Variants in SENP1 observed in about 807,000 individuals in gnomAD.
SENP1 encodes sentrin-specific protease 1.
Under a neutral mutation model 93.0 loss-of-function variants are expected in SENP1, and 21 were observed. The ratio of observed to expected loss-of-function variants is 0.23; its 90% CI spans 0.16 to 0.33. The LOEUF (loss-of-function observed/expected upper bound fraction) is 0.33, where lower values mean the gene tolerates loss of function less well. SENP1 is among the 10% of genes least tolerant of loss of function. The pLI is 1.00. For missense variants in SENP1, 591 were observed against 758.7 expected, an observed-to-expected ratio of 0.78 and a Z score of 2.60; for synonymous variants, 256 against 259.6, an observed-to-expected ratio of 0.99 and a Z score of 0.13.
chr12:48,099,275 C>A (rs752141377), intron 2 of SENP1: 2 of 152,142 alleles, frequency 1.3e-5, no homozygotes, highest in Non-Finnish European at 2.9e-5. Context: ...CTGCAGTGAG[C>A]CATGACAGAG....
Position 48,074,749 on chromosome 12 carries a change from C to T in SENP1, c.597G>A (p.Gln199=). 6.2e-7 allele frequency: 1 copy of T among 1,613,048 alleles called. No individual in the cohort carries two copies. The highest frequency in any genetic ancestry group is 8.5e-7 in the Non-Finnish European group (1 of 1,179,600). Residue 199 remains glutamine (Q), a synonymous_variant, in exon 7 of 18, where the codon CAG becomes CAA. Coordinates refer to ENST00000549518, the MANE Select transcript of SENP1 (RefSeq NM_001267594.2). ...TAGTAAACTGTTTCCCTGTGACCAT[C>T]TGTAGCAGCTGTCTGTAAATCTCTC... ...EEREIYRQLL[Q]MVTGKQFTIA... is the part of the protein sequence containing the mutation.
chr12:48,083,062 GCCCGT>G (rs947899550), intron 6 of SENP1, among the ~76,000 whole-genome samples: 113 of 152,034 alleles, frequency 7.4e-4, no homozygotes, highest in African/African-American at 2.7e-3. Context: ...GAGCCACCAA[GCCCGT>G]CTAATTTTTA....
chr12:48,065,717 ACT>A lies in SENP1; in HGVS notation c.1035-39_1035-38del, dbSNP rs980238199. The A allele has an allele frequency of 4.6e-6, 6 of 1,292,678 alleles. No individual in the cohort carries two copies. The African/African-American group carries it at 7.4e-5, about 16-fold the overall frequency. The allele number at this position is 1,292,678 out of a possible 1,614,324, so 80.1% of individuals were successfully genotyped here. On this transcript the variant is annotated intron_variant, in intron 10 of 17. Transcript: ENST00000549518. ...AAAGGAACGTGACCAAATGTAGACC[ACT>A]CTCATTATGAAACATATTGTTGATG... is the stretch of plus-strand genomic sequence containing the variant.
At chr12:48,049,374 G>A (rs1269271554) in intron 13 of SENP1, among the ~76,000 whole-genome samples, 1 of 152,188 alleles carries the variant, frequency 6.6e-6, no homozygotes, top group African/African-American at 2.4e-5. Context: ...GTACAAATGG[G>A]CAGACGCTGG....
In SENP1 at chr12:48,044,841, TGTG is replaced by T. The variant is rs1941250772; in HGVS notation, c.*478_*480del. 1 of 153,186 alleles carries T rather than the reference TGTG, an allele frequency of 6.5e-6. No homozygotes were observed. The highest frequency in any genetic ancestry group is 1.5e-5 in the Non-Finnish European group (1 of 68,734). The allele number at this position is 153,186 out of a possible 1,614,324, so 9.5% of individuals were successfully genotyped here. On this transcript the variant is annotated 3_prime_UTR_variant, in exon 18 of 18. Coordinates refer to ENST00000549518, the MANE Select transcript of SENP1 (RefSeq NM_001267594.2). ...ATTCCTGACCATACATCGTGAAAAT[TGTG>T]TGTGTGTGTGTGTTTGTGTGTGTGG...
intron 13 of SENP1, among the ~76,000 whole-genome samples, chr12:48,054,255 GTTCTATCAGATTATGC>G (rs1942046545): frequency 6.6e-6 from 1 of 152,092 alleles, no homozygotes; most frequent in Admixed American, 6.6e-5. Context: ...TCTCCTTTCA[GTTCTATCAGATTATGC>G]TTCACGTATT....
chr12:48,083,933 G>A (rs927132734), intron 5 of SENP1, among the ~76,000 whole-genome samples, 171 bp from the exon 6 acceptor site: 1 of 152,194 alleles, frequency 6.6e-6, no homozygotes, highest in Admixed American at 6.5e-5. Flanking sequence ...ATATAAGGAT[G>A]CTGCATCAGG....
intron 9 of SENP1, among the ~76,000 whole-genome samples, chr12:48,070,263 C>T (rs1006195840): frequency 1.3e-5 from 2 of 152,126 alleles, no homozygotes; most frequent in African/African-American, 4.8e-5. Flanking sequence ...ATGAAAGAGT[C>T]CCATATTTCC....
intron 13 of SENP1, chr12:48,055,082 C>A: frequency 8.9e-6 from 2 of 224,106 alleles, no homozygotes; most frequent in South Asian, 1.4e-4. Flanking sequence ...TTCAACCAGT[C>A]GCCGTGGTAT....
intron 2 of SENP1, 132 bp downstream of exon 2, chr12:48,101,337 G>A: frequency 1.4e-6 from 1 of 710,798 alleles, no homozygotes; most frequent in Non-Finnish European, 2.3e-6. Context: ...ACATAATTAG[G>A]ATTAAAATTT....
intron 9 of SENP1, among the ~76,000 whole-genome samples, chr12:48,069,970 C>A (rs1321109449): frequency 6.6e-6 from 1 of 152,184 alleles, no homozygotes; most frequent in African/African-American, 2.4e-5. Flanking sequence ...CTCATCCTAG[C>A]AATTGAATTC....
At chr12:48,094,446 G>A (rs923965145) in intron 4 of SENP1, among the ~76,000 whole-genome samples, 7 of 152,110 alleles carry the variant, frequency 4.6e-5, no homozygotes, top group African/African-American at 1.4e-4. Flanking sequence ...CTGGGAGGCC[G>A]AGGCAGGTGA....
chr12:48,058,978 C>T (rs558198696), intron 13 of SENP1, among the ~76,000 whole-genome samples: 13 of 152,252 alleles, frequency 8.5e-5, no homozygotes, highest in South Asian at 4.2e-4. Flanking sequence ...GCATCGTTTC[C>T]GACAGTTATT....
At chr12:48,083,537 C>G in intron 6 of SENP1, 54 bp downstream of exon 6, 1 of 1,439,768 alleles carries the variant, frequency 6.9e-7, no homozygotes, top group Non-Finnish European at 9.7e-7. Flanking sequence ...GCAAATGGCT[C>G]AATGTAGGGA....
At chr12:48,105,490 G>A (rs375581224) in intron 1 of SENP1, 122 of 518,974 alleles carry the variant, frequency 2.4e-4, no homozygotes, top group Non-Finnish European at 4.2e-4. Context: ...TCTTTCTGAT[G>A]GTGGCACTAG....
rs577634632 is a variant in SENP1, at chr12:48,085,292, C to G, written c.381-1530G>C. On this transcript the variant is annotated intron_variant, in intron 5 of 17. Coordinates refer to ENST00000549518, the MANE Select transcript of SENP1 (RefSeq NM_001267594.2). ...ACATCGCAGAGATGGTGCAGCATGC[C>G]CTGGACACCCACCAGCACTCTATCC... is the stretch of plus-strand genomic sequence containing the variant. 1.4e-3 allele frequency: 2,095 copies of G among 1,525,740 alleles called. 3 individuals are homozygous for G. Among genetic ancestry groups the G allele is most frequent in the Non-Finnish European group, 1.7e-3 (1,914 of 1,101,384 alleles). 94.5% of individuals were successfully genotyped at this position (1,525,740 alleles called of 1,614,324 possible).
chr12:48,080,629 A>T (rs1944432197), intron 6 of SENP1: 1 of 152,260 alleles, frequency 6.6e-6, no homozygotes, highest in African/African-American at 2.4e-5. Context: ...AGTTCCCATC[A>T]GTAAATTTAG....
intron 13 of SENP1, chr12:48,054,900 A>G (rs1202533009): frequency 6.3e-6 from 1 of 158,030 alleles, no homozygotes; most frequent in Non-Finnish European, 1.4e-5. Context: ...ATATAAACAT[A>G]TATATGTTTA....
At chr12:48,101,131 C>T (rs1046706697) in intron 2 of SENP1, among the ~76,000 whole-genome samples, 2 of 152,010 alleles carry the variant, frequency 1.3e-5, no homozygotes, top group African/African-American at 2.4e-5. Context: ...ACTAAAAATA[C>T]GAAAATCAGC....
Sources: gnomAD v4.1 joint callset for allele counts (sites outside exome capture counted in the v4.1 genomes callset) on GRCh38, gnomAD v4.1.1 for gene constraint, MANE v1.5 for transcripts, NCBI Gene and HGNC (gene_info 2026-07-23, HGNC 2026-07-21) for gene names.